XKR5: variants seen among roughly 807,000 people sequenced by gnomAD.
The protein encoded by XKR5 is XK-related protein 5.
In XKR5, 46 loss-of-function variants were observed where a neutral mutation model predicts 40.8. That is an observed-to-expected ratio of 1.13 (90% CI 0.89 to 1.44). The LOEUF (loss-of-function observed/expected upper bound fraction) is 1.44. Ranked by LOEUF, XKR5 falls within the 40% of genes most tolerant of loss-of-function variation. XKR5 has a pLI of 0.00. For synonymous variants in XKR5, 466 were observed against 356.1 expected, an observed-to-expected ratio of 1.31 and a Z score of -3.48; for missense variants, 1,169 against 844.7, an observed-to-expected ratio of 1.38 and a Z score of -4.76.
intron 5 of XKR5, among the ~76,000 whole-genome samples, chr8:6,819,467 C>A (rs571216484): frequency 6.6e-6 from 1 of 152,312 alleles, no homozygotes; most frequent in East Asian, 1.9e-4. Context: ...CAGGTGCTGG[C>A]CACTCAGCCA....
At chr8:6,815,500 G>A (rs1475626517) in intron 6 of XKR5, among the ~76,000 whole-genome samples, 1 of 152,152 alleles carries the variant, frequency 6.6e-6, no homozygotes, top group East Asian at 1.9e-4. Flanking sequence ...CCCTAGGTGG[G>A]AGGGGAGAGA....
chr8:6,833,946 T>G (rs961117769), intron 1 of XKR5, among the ~76,000 whole-genome samples: 1 of 152,166 alleles, frequency 6.6e-6, no homozygotes, highest in African/African-American at 2.4e-5. Context: ...TGTTTGCTTG[T>G]TTGTTTTTGA....
chr8:6,832,008 C>A (rs915773237), intron 2 of XKR5, among the ~76,000 whole-genome samples: 4 of 96,668 alleles, frequency 4.1e-5, no homozygotes, highest in Non-Finnish European at 4.0e-5. Flanking sequence ...GAGTGAGACT[C>A]CATCTCAAAA....
At chr8:6,817,657 G>T (rs1232309559) in intron 5 of XKR5, among the ~76,000 whole-genome samples, 4 of 152,210 alleles carry the variant, frequency 2.6e-5, no homozygotes, top group Admixed American at 2.6e-4. Context: ...AAAACTTGGT[G>T]CTGGGTGGAT....
intron 5 of XKR5, among the ~76,000 whole-genome samples, 153 bp downstream of exon 5, chr8:6,821,716 A>T (rs1470377371): frequency 6.6e-6 from 1 of 152,134 alleles, no homozygotes; most frequent in East Asian, 1.9e-4. Context: ...CAAGACTATC[A>T]TTTCTTTAAG....
At chr8:6,823,822 A>T in intron 3 of XKR5, 92 bp from the exon 4 acceptor site, 2 of 1,108,954 alleles carry the variant, frequency 1.8e-6, no homozygotes, top group Non-Finnish European at 2.6e-6. Context: ...CTTTAATGGG[A>T]TGTGTAACCT....
At chr8:6,814,833 T>G (rs1327429106) in intron 6 of XKR5, among the ~76,000 whole-genome samples, 1 of 152,182 alleles carries the variant, frequency 6.6e-6, no homozygotes, top group African/African-American at 2.4e-5. Flanking sequence ...CTCTGACCCG[T>G]GAACAGCCCC....
intron 2 of XKR5, among the ~76,000 whole-genome samples, chr8:6,831,650 A>C (rs1453574264): frequency 6.6e-6 from 1 of 151,926 alleles, no homozygotes; most frequent in East Asian, 1.9e-4. Flanking sequence ...TCCAACCCTC[A>C]GTGCCTATGA....
At chr8:6,821,049 C>A (rs1238111055) in intron 5 of XKR5, among the ~76,000 whole-genome samples, 5 of 152,026 alleles carry the variant, frequency 3.3e-5, no homozygotes, top group Admixed American at 1.3e-4. Context: ...CACAGGAACA[C>A]TGAGAGGGGG....
chr8:6,825,693 C>A (rs1186254945), intron 2 of XKR5, among the ~76,000 whole-genome samples: 3 of 152,060 alleles, frequency 2.0e-5, no homozygotes, highest in Non-Finnish European at 4.4e-5. Flanking sequence ...TGAGTCCCAC[C>A]CCGGATCCTC....
At chr8:6,822,908 T>G (rs1804304026) in intron 4 of XKR5, among the ~76,000 whole-genome samples, 2 of 152,244 alleles carry the variant, frequency 1.3e-5, no homozygotes, top group African/African-American at 4.8e-5. Context: ...TTGGAAGCTA[T>G]GTGCAGTATG....
chr8:6,819,426 G>A (rs1804122560), intron 5 of XKR5, among the ~76,000 whole-genome samples: 1 of 152,232 alleles, frequency 6.6e-6, no homozygotes, highest in Admixed American at 6.5e-5. Flanking sequence ...CACAGTCTGG[G>A]CATTTCTAAC....
Position 6,811,580 on chromosome 8 carries a change from G to A in XKR5, c.1679C>T (p.Pro560Leu). 1.3e-6 allele frequency: 2 copies of A among 1,537,254 alleles called. No homozygotes were observed. Among genetic ancestry groups the A allele is most frequent in the Non-Finnish European group, 1.7e-6 (2 of 1,146,856 alleles). ...AGAGTGGGCCGTTTGCAGAGTAGCT[G>A]GGCTGCCTTCTTGTTGTGAGGATGT... ...VATSSQQEGS[P>L]ATLQTAHSGR... The change falls in exon 7 of 7, where the codon CCA becomes CTA. Residue 560 changes from proline (P) to leucine (L), a missense_variant. Coordinates refer to ENST00000618742, the MANE Select transcript of XKR5 (RefSeq NM_207411.5).
At chr8:6,825,025 C>A (rs1412918867) in intron 3 of XKR5, 140 bp downstream of exon 3, 1 of 936,838 alleles carries the variant, frequency 1.1e-6, no homozygotes, top group African/African-American at 1.7e-5. Context: ...TTTTAAGCAT[C>A]ATCTGTGCCA....
intron 1 of XKR5, among the ~76,000 whole-genome samples, chr8:6,834,547 C>T (rs1804919003): frequency 6.6e-6 from 1 of 152,236 alleles, no homozygotes; most frequent in East Asian, 1.9e-4. Context: ...GTCCGGGGCG[C>T]GGAGCCAGGG....
chr8:6,829,178 T>C (rs1345342405), intron 2 of XKR5: 2 of 168,854 alleles, frequency 1.2e-5, no homozygotes, highest in Admixed American at 1.3e-4. Flanking sequence ...CCTTTAGAGT[T>C]TACCTTAACT....
At chr8:6,829,991 C>G (rs1258259926) in intron 2 of XKR5, among the ~76,000 whole-genome samples, 1 of 151,932 alleles carries the variant, frequency 6.6e-6, no homozygotes, top group Non-Finnish European at 1.5e-5. Flanking sequence ...GCGCCCGCCA[C>G]CACGCCCGGC....
At chr8:6,824,825 A>G (rs1434533609) in intron 3 of XKR5, among the ~76,000 whole-genome samples, 3 of 152,184 alleles carry the variant, frequency 2.0e-5, no homozygotes, top group Non-Finnish European at 4.4e-5. Flanking sequence ...CCCGGCCAAG[A>G]ATTATTCTAA....
intron 2 of XKR5, among the ~76,000 whole-genome samples, chr8:6,831,975 A>G (rs1490686627): frequency 2.9e-5 from 4 of 139,910 alleles, no homozygotes; most frequent in African/African-American, 8.4e-5. Flanking sequence ...AGATCACACC[A>G]CTGCACTCCA....
Sources: allele counts gnomAD v4.1 joint callset (sites outside exome capture counted in the v4.1 genomes callset), GRCh38; gene constraint gnomAD v4.1.1; transcripts MANE v1.5; gene names NCBI Gene and HGNC (gene_info 2026-07-23, HGNC 2026-07-21).